The following RXFP2 variants were observed in gnomAD, a reference collection of about 807,000 sequenced individuals.
RXFP2 encodes relaxin family peptide receptor 2.
Under a neutral mutation model 88.6 loss-of-function variants are expected in RXFP2, and 68 were observed. The ratio of observed to expected loss-of-function variants is 0.77; its 90% CI spans 0.63 to 0.94. The LOEUF is 0.94. RXFP2 is among the 40% of genes least tolerant of loss of function. The pLI, the probability that RXFP2 is intolerant of heterozygous loss-of-function variation, is 0.00. For synonymous variants in RXFP2, 329 were observed against 306.8 expected, an observed-to-expected ratio of 1.07 and a Z score of -0.76; for missense variants, 791 against 893.9, an observed-to-expected ratio of 0.88 and a Z score of 1.47.
intron 1 of RXFP2, among the ~76,000 whole-genome samples, chr13:31,751,101 T>C (rs1029357640): frequency 7.9e-5 from 12 of 152,024 alleles, no homozygotes; most frequent in Non-Finnish European, 1.6e-4. Flanking sequence ...ACCAGCCTGA[T>C]TGACATGGTG....
At chr13:31,778,704 C>A in intron 9 of RXFP2, 121 bp downstream of exon 9, 3 of 805,872 alleles carry the variant, frequency 3.7e-6, no homozygotes, top group South Asian at 1.3e-5. Context: ...AAAATCTGAT[C>A]ATATTACCTT....
chr13:31,786,566 GAACC>G lies in RXFP2; in HGVS notation c.1003_1006del (p.Asn335CysfsTer23). Reference sequence around the variant, plus strand: ...TCTCATCTAATGGTAAAAAAAAAAGGAACCTGTCATCCAATCCTCTTATGTATCT... The same window carrying G: ...TCTCATCTAATGGTAAAAAAAAAAGGTGTCATCCAATCCTCTTATGTATCT... On this transcript the variant is annotated frameshift_variant and splice_region_variant, in exon 13 of 18. Coordinates refer to ENST00000298386, the MANE Select transcript of RXFP2 (RefSeq NM_130806.5). LOFTEE classifies it high-confidence loss of function. The G allele has an allele frequency of 6.9e-7, 1 of 1,444,018 alleles. No individual in the cohort carries two copies. The highest frequency in any genetic ancestry group is 9.6e-7 in the Non-Finnish European group (1 of 1,042,444). The allele number at this position is 1,444,018 out of a possible 1,614,324, so 89.5% of individuals were successfully genotyped here. A position where few individuals can be genotyped will look rare whatever the true frequency, so the allele number is the denominator to read the frequency against.
rs965534294 is a variant in RXFP2, at chr13:31,793,065, G to A, written c.1763G>A (p.Gly588Glu). The stretch of plus-strand genomic sequence containing the variant: ...CAAACAGAAGATATTGGAAGCAAAG[G>A]GTATTCTCTTGGAATTTTCCTAGGT... ...YDQTEDIGSK[G>E]YSLGIFLGVN... Residue 588 changes from glycine to glutamate, a missense_variant, in exon 16 of 18, where the codon GGG (glycine) becomes GAG (glutamate). Coordinates refer to ENST00000298386, the MANE Select transcript of RXFP2 (RefSeq NM_130806.5). 6.2e-7 allele frequency: 1 copy of A among 1,612,434 alleles called. No homozygotes were observed. The highest frequency in any genetic ancestry group is 2.2e-5 in the East Asian group (1 of 44,864).
intron 5 of RXFP2, among the ~76,000 whole-genome samples, chr13:31,771,609 C>T (rs563481920): frequency 6.6e-6 from 1 of 151,974 alleles, no homozygotes; most frequent in East Asian, 1.9e-4. Context: ...TGGCCAACAT[C>T]GTGAATGTCT....
At chr13:31,750,805 A>G (rs1871634543) in intron 1 of RXFP2, among the ~76,000 whole-genome samples, 1 of 152,210 alleles carries the variant, frequency 6.6e-6, no homozygotes, top group Non-Finnish European at 1.5e-5. Flanking sequence ...TCAAGATGGA[A>G]GCTATGGATT....
intron 13 of RXFP2, among the ~76,000 whole-genome samples, chr13:31,787,629 TTTTC>T (rs556368750): frequency 1.3e-3 from 195 of 151,756 alleles, no homozygotes; most frequent in African/African-American, 4.2e-3. Context: ...TCTTTAGTGT[TTTTC>T]TTTCTTTCTT....
At position 31,802,501 on chromosome 13, in the gene RXFP2, G is replaced by C; in HGVS notation, c.*96G>C. Reference sequence around the variant, plus strand: ...TGCAATGCTTTTCATCTTTACCAACGGCAAGCCTTTCTGCACAGAGAGCAC... The same window carrying C: ...TGCAATGCTTTTCATCTTTACCAACCGCAAGCCTTTCTGCACAGAGAGCAC... On this transcript the variant is annotated 3_prime_UTR_variant, in exon 18 of 18. Coordinates refer to ENST00000298386, the MANE Select transcript of RXFP2 (RefSeq NM_130806.5). 5 of 1,339,034 alleles carry C rather than the reference G, an allele frequency of 3.7e-6. No individual in the cohort carries two copies. The highest frequency in any genetic ancestry group is 2.3e-5 in the East Asian group (1 of 43,608). The allele number at this position is 1,339,034 out of a possible 1,614,324, so 82.9% of individuals were successfully genotyped here. A position where few individuals can be genotyped will look rare whatever the true frequency, so the allele number is the denominator to read the frequency against.
At chr13:31,776,628 G>T (rs968371365) in intron 7 of RXFP2, among the ~76,000 whole-genome samples, 3 of 151,956 alleles carry the variant, frequency 2.0e-5, no homozygotes, top group Non-Finnish European at 4.4e-5. Context: ...TTCCAAGAAG[G>T]ATGTTATGAG....
chr13:31,741,104 C>T (rs1327090627), intron 1 of RXFP2, among the ~76,000 whole-genome samples: 1 of 151,948 alleles, frequency 6.6e-6, no homozygotes, highest in Non-Finnish European at 1.5e-5. Flanking sequence ...TTTGCTTAAA[C>T]CGTTTATGAG....
At chr13:31,739,852 C>A in intron 1 of RXFP2, 146 bp downstream of exon 1, 1 of 676,700 alleles carries the variant, frequency 1.5e-6, no homozygotes, top group South Asian at 1.6e-5. Flanking sequence ...CATTATCTTT[C>A]ATTGCTTGTA....
intron 5 of RXFP2, among the ~76,000 whole-genome samples, chr13:31,768,204 A>G (rs765617419): frequency 3.0e-4 from 46 of 152,212 alleles, no homozygotes; most frequent in Non-Finnish European, 5.7e-4. Flanking sequence ...CATAACCTGA[A>G]TATCACCTGA....
chr13:31,795,823 T>C (rs1439000491), intron 16 of RXFP2, among the ~76,000 whole-genome samples: 1 of 151,902 alleles, frequency 6.6e-6, no homozygotes, highest in Non-Finnish European at 1.5e-5. Flanking sequence ...AAGCAAAGAG[T>C]GACTAAGAAG....
At chr13:31,790,703 A>G (rs1243129757) in intron 14 of RXFP2, among the ~76,000 whole-genome samples, 1 of 152,248 alleles carries the variant, frequency 6.6e-6, no homozygotes, top group Non-Finnish European at 1.5e-5. Flanking sequence ...ACAAATTTAA[A>G]TAAAGCAAGG....
intron 11 of RXFP2, among the ~76,000 whole-genome samples, chr13:31,784,916 C>T (rs1873453516): frequency 6.6e-6 from 1 of 152,168 alleles, no homozygotes; most frequent in African/African-American, 2.4e-5. Context: ...AAGCTCCTGC[C>T]TGGTCTTCCT....
At chr13:31,748,499 T>C (rs1471700417) in intron 1 of RXFP2, among the ~76,000 whole-genome samples, 3 of 152,214 alleles carry the variant, frequency 2.0e-5, no homozygotes, top group Non-Finnish European at 4.4e-5. Flanking sequence ...TTAATACCTT[T>C]TCAGATGTTT....
chr13:31,781,821 T>A (rs910245235), intron 10 of RXFP2, 79 bp downstream of exon 10: 11 of 1,151,410 alleles, frequency 9.6e-6, no homozygotes, highest in Non-Finnish European at 1.0e-5. Flanking sequence ...TGACAAAAAA[T>A]TTTAAAGTAG....
chr13:31,771,864 C>A (rs745876471), intron 5 of RXFP2, among the ~76,000 whole-genome samples: 2 of 151,242 alleles, frequency 1.3e-5, no homozygotes, highest in Non-Finnish European at 2.9e-5. Flanking sequence ...TGTTGTCCTG[C>A]GAGATCACCA....
At chr13:31,798,118 AAGAC>A (rs2138468677) in intron 17 of RXFP2, among the ~76,000 whole-genome samples, 1 of 152,306 alleles carries the variant, frequency 6.6e-6, no homozygotes, top group South Asian at 2.1e-4. Flanking sequence ...GAGTTGATCC[AAGAC>A]AGTAATTGTG....
chr13:31,789,113 ATT>A lies in RXFP2; in HGVS notation c.1074-6_1074-5del. 6.3e-7 allele frequency: 1 copy of A among 1,575,012 alleles called. No individual in the cohort carries two copies. Among genetic ancestry groups the A allele is most frequent in the Non-Finnish European group, 8.7e-7 (1 of 1,145,774 alleles). On this transcript the variant is annotated splice_region_variant and splice_polypyrimidine_tract_variant and intron_variant, in intron 13 of 17. Coordinates refer to ENST00000298386, the MANE Select transcript of RXFP2 (RefSeq NM_130806.5). ...CAACACCATTAAACCTATCGTGTGTATTTTCCAGAGACCTGGAAAGGATAGAG... is the reference window on the plus strand; with the variant it reads ...CAACACCATTAAACCTATCGTGTGTATTCCAGAGACCTGGAAAGGATAGAG...
Sources: allele counts gnomAD v4.1 joint callset (sites outside exome capture counted in the v4.1 genomes callset), GRCh38; gene constraint gnomAD v4.1.1; transcripts MANE v1.5; gene names NCBI Gene and HGNC (gene_info 2026-07-23, HGNC 2026-07-21).